TRPC7: variants seen among roughly 807,000 people sequenced by gnomAD.
TRPC7 encodes the protein short transient receptor potential channel 7.
In TRPC7, 42 loss-of-function variants were observed where a neutral mutation model predicts 90.1. The observed-to-expected ratio is 0.47, with a 90% CI of 0.36 to 0.60. The LOEUF is 0.60. TRPC7 is among the 20% of genes least tolerant of loss of function. The pLI is 0.00. For synonymous variants in TRPC7, 451 were observed against 436.3 expected, an observed-to-expected ratio of 1.03 and a Z score of -0.42; for missense variants, 955 against 1,112.3, an observed-to-expected ratio of 0.86 and a Z score of 2.01.
At chr5:136,364,131 T>C (rs768816088) in intron 1 of TRPC7, among the ~76,000 whole-genome samples, 16 of 152,194 alleles carry the variant, frequency 1.1e-4, no homozygotes, top group Non-Finnish European at 2.2e-4. Flanking sequence ...GAAATGTTGA[T>C]TGCCTTTACT....
chr5:136,236,018 T>C (rs1371981493), intron 7 of TRPC7, among the ~76,000 whole-genome samples: 1 of 152,248 alleles, frequency 6.6e-6, no homozygotes, highest in Non-Finnish European at 1.5e-5. Context: ...TAATGATGCT[T>C]CTATTGTTCA....
chr5:136,354,650 C>A (rs939086804), intron 2 of TRPC7, among the ~76,000 whole-genome samples: 4 of 152,186 alleles, frequency 2.6e-5, no homozygotes, highest in African/African-American at 9.7e-5. Context: ...CTCTAGTTTT[C>A]ATCACTTTAG....
Position 136,226,044 on chromosome 5 carries a change from G to A in TRPC7, c.2252C>T (p.Ser751Phe), listed in dbSNP as rs1755619699. The A allele has an allele frequency of 6.3e-7, 1 of 1,594,070 alleles. No individual in the cohort carries two copies. The highest frequency in any genetic ancestry group is 2.2e-5 in the East Asian group (1 of 44,550). The part of the protein sequence containing the change: ...ENDLEMGMLN[S>F]KFKKTRYQAG... ...CCACATGCTACCTACCTTGAATTTG[G>A]AATTCAGCATGCCCATTTCAAGGTC... The change falls in exon 9 of 12, where the codon TCC becomes TTC. Residue 751 changes from serine (S) to phenylalanine (F), a missense_variant. Physicochemically the swap from Ser to Phe is radical, Grantham distance 155. Coordinates refer to ENST00000513104, the MANE Select transcript of TRPC7 (RefSeq NM_020389.3).
chr5:136,306,187 G>A (rs1758621841), intron 3 of TRPC7, among the ~76,000 whole-genome samples: 1 of 152,210 alleles, frequency 6.6e-6, no homozygotes, highest in East Asian at 1.9e-4. Flanking sequence ...CTTAACTCTT[G>A]AAGTAAATAA....
At chr5:136,326,662 G>C (rs550521222) in intron 2 of TRPC7, among the ~76,000 whole-genome samples, 3 of 152,156 alleles carry the variant, frequency 2.0e-5, no homozygotes, top group Non-Finnish European at 2.9e-5. Context: ...TTAGAATGAG[G>C]TCAGTTAATG....
At chr5:136,272,196 C>T (rs1757232776) in intron 4 of TRPC7, among the ~76,000 whole-genome samples, 1 of 152,164 alleles carries the variant, frequency 6.6e-6, no homozygotes, top group Non-Finnish European at 1.5e-5. Flanking sequence ...ATGACATTGT[C>T]CTTTTCCTAG....
intron 7 of TRPC7, among the ~76,000 whole-genome samples, chr5:136,242,044 A>C (rs1414092727): frequency 6.6e-6 from 1 of 152,234 alleles, no homozygotes; most frequent in Non-Finnish European, 1.5e-5. Flanking sequence ...ACGAACCTCC[A>C]AAAGCAAATC....
intron 10 of TRPC7, among the ~76,000 whole-genome samples, chr5:136,221,368 C>T (rs768145557): frequency 3.9e-5 from 6 of 152,200 alleles, no homozygotes; most frequent in Admixed American, 6.5e-5. Flanking sequence ...GCAGTTGTCA[C>T]GCAGAGCCCT....
At chr5:136,269,490 C>T (rs1280695895) in intron 4 of TRPC7, among the ~76,000 whole-genome samples, 1 of 152,164 alleles carries the variant, frequency 6.6e-6, no homozygotes, top group Non-Finnish European at 1.5e-5. Flanking sequence ...TCCCCACATC[C>T]CAGAAATATA....
At chr5:136,326,521 G>A (rs1759352594) in intron 2 of TRPC7, among the ~76,000 whole-genome samples, 1 of 152,166 alleles carries the variant, frequency 6.6e-6, no homozygotes, top group African/African-American at 2.4e-5. Flanking sequence ...GGAAGAGGTG[G>A]TGGAAGTTTG....
chr5:136,219,988 A>G (rs925707093), intron 10 of TRPC7, among the ~76,000 whole-genome samples: 1 of 152,232 alleles, frequency 6.6e-6, no homozygotes, highest in African/African-American at 2.4e-5. Context: ...CGGCAGAGGA[A>G]CATAAATTGT....
chr5:136,268,957 T>C (rs1757120001), intron 4 of TRPC7, among the ~76,000 whole-genome samples: 1 of 152,230 alleles, frequency 6.6e-6, no homozygotes, highest in Non-Finnish European at 1.5e-5. Context: ...ACACAGATAA[T>C]TTTTGAAGTA....
chr5:136,333,069 A>C (rs34019728), intron 2 of TRPC7, among the ~76,000 whole-genome samples: 15,607 of 152,260 alleles, frequency 0.1, 853 homozygotes, highest in Non-Finnish European at 0.13. Context: ...CAGAATTGTG[A>C]ACATGAAAAT....
Position 136,291,373 on chromosome 5 carries a change from C to A in TRPC7, c.964-16536G>T, listed in dbSNP as rs189973633. On this transcript the variant is annotated intron_variant, in intron 3 of 11. Transcript: ENST00000513104. ...AATTGGATAAAAAGTCAAGACCCAT[C>A]AGTGTGCTGTATTCAGAAAACCCAT... Among the ~76,000 whole-genome samples the A allele has an allele frequency of 5.1e-3, 774 of 152,264 alleles. 5 individuals are homozygous for A. The highest frequency in any genetic ancestry group is 0.018 in the African/African-American group (735 of 41,548).
chr5:136,363,984 T>C (rs1030836118), intron 1 of TRPC7, among the ~76,000 whole-genome samples: 1 of 152,224 alleles, frequency 6.6e-6, no homozygotes, highest in South Asian at 2.1e-4. Context: ...TAGATATGTG[T>C]AACCTTTTGA....
At chr5:136,219,957 T>C (rs993070702) in intron 10 of TRPC7, among the ~76,000 whole-genome samples, 1 of 152,186 alleles carries the variant, frequency 6.6e-6, no homozygotes, top group Non-Finnish European at 1.5e-5. Context: ...GGACCCTGAA[T>C]GGAGGGAACG....
At chr5:136,220,976 G>C (rs984740390) in intron 10 of TRPC7, among the ~76,000 whole-genome samples, 9 of 151,684 alleles carry the variant, frequency 5.9e-5, no homozygotes, top group Non-Finnish European at 1.0e-4. Flanking sequence ...TGGTTCCCCT[G>C]ATAGGATATC....
chr5:136,334,837 TAC>T (rs1264210000), intron 2 of TRPC7, among the ~76,000 whole-genome samples: 2 of 152,228 alleles, frequency 1.3e-5, no homozygotes, highest in African/African-American at 4.8e-5. Context: ...AGCATGTGGC[TAC>T]CAGGGAATTG....
At chr5:136,226,634 A>G (rs1755639180) in intron 8 of TRPC7, among the ~76,000 whole-genome samples, 1 of 152,208 alleles carries the variant, frequency 6.6e-6, no homozygotes, top group Admixed American at 6.5e-5. Flanking sequence ...CAGCCACCAC[A>G]GCATTATTGT....
Sources: gnomAD v4.1 joint callset for allele counts (sites outside exome capture counted in the v4.1 genomes callset) on GRCh38, gnomAD v4.1.1 for gene constraint, MANE v1.5 for transcripts, NCBI Gene and HGNC (gene_info 2026-07-23, HGNC 2026-07-21) for gene names.